ROBO1: variants seen among roughly 807,000 people sequenced by gnomAD.
ROBO1 encodes the protein roundabout homolog 1.
In ROBO1, 149 loss-of-function variants were observed where a neutral mutation model predicts 195.9. The observed-to-expected ratio is 0.76, with a 90% CI of 0.67 to 0.87. ROBO1 has a LOEUF of 0.87. Ranked by LOEUF, ROBO1 falls within the 40% of genes least tolerant of loss-of-function variation. The probability of loss-of-function intolerance (pLI) is 0.00; values close to 1 mark genes in which losing one functional copy is unlikely to be tolerated. For missense variants in ROBO1, 1,933 were observed against 2,068.3 expected (o/e 0.93, Z 1.27); for synonymous variants, 816 against 733.2 (o/e 1.11, Z -1.82).
intron 4 of ROBO1, among the ~76,000 whole-genome samples, chr3:78,880,015 C>A (rs2036089195): frequency 6.6e-6 from 1 of 151,910 alleles, no homozygotes; most frequent in African/African-American, 2.4e-5. Flanking sequence ...TATACATGAC[C>A]CTACATAATA....
At chr3:79,215,587 G>A (rs571137063) in intron 2 of ROBO1, among the ~76,000 whole-genome samples, 2 of 152,154 alleles carry the variant, frequency 1.3e-5, no homozygotes, top group Non-Finnish European at 2.9e-5. Flanking sequence ...GATTATGGTC[G>A]TTCTCCTCAA....
intron 8 of ROBO1, among the ~76,000 whole-genome samples, chr3:78,706,621 C>T (rs1023009119): frequency 1.3e-5 from 2 of 151,954 alleles, no homozygotes; most frequent in Non-Finnish European, 2.9e-5. Flanking sequence ...GGATTATAGG[C>T]GTGAACCATG....
intron 1 of ROBO1, among the ~76,000 whole-genome samples, chr3:79,722,365 T>G (rs570162384): frequency 3.2e-4 from 49 of 152,322 alleles, no homozygotes; most frequent in African/African-American, 1.2e-3. Flanking sequence ...GTGTTCCATT[T>G]TCACTTGACA....
At chr3:79,371,961 AG>A (rs1319623544) in intron 2 of ROBO1, among the ~76,000 whole-genome samples, 5 of 152,134 alleles carry the variant, frequency 3.3e-5, no homozygotes, top group African/African-American at 9.7e-5. Context: ...TCAGATCATC[AG>A]GCATTAGATT....
At chr3:79,468,943 T>C (rs573031895) in intron 2 of ROBO1, among the ~76,000 whole-genome samples, 31 of 152,272 alleles carry the variant, frequency 2.0e-4, no homozygotes, top group Non-Finnish European at 4.0e-4. Context: ...CTTTGTATCA[T>C]AGAAGTGTTG....
intron 1 of ROBO1, among the ~76,000 whole-genome samples, chr3:79,653,193 C>T (rs1269788153): frequency 6.6e-6 from 1 of 151,588 alleles, no homozygotes; most frequent in Non-Finnish European, 1.5e-5. Flanking sequence ...ATCTTTATTA[C>T]ACATCGATGT....
intron 1 of ROBO1, among the ~76,000 whole-genome samples, chr3:79,750,687 G>T (rs1334330708): frequency 6.6e-6 from 1 of 152,176 alleles, no homozygotes; most frequent in African/African-American, 2.4e-5. Flanking sequence ...TGCCATCCAC[G>T]TAAGATGTGA....
At chr3:79,674,827 C>CAT (rs1491558449) in intron 1 of ROBO1, among the ~76,000 whole-genome samples, 2 of 61,920 alleles carry the variant, frequency 3.2e-5, no homozygotes, top group East Asian at 3.4e-4. Context: ...TATTTATATC[C>CAT]GTGTGTGTGT....
intron 3 of ROBO1, among the ~76,000 whole-genome samples, chr3:79,119,320 A>G (rs1275395948): frequency 6.6e-6 from 1 of 152,202 alleles, no homozygotes; most frequent in Non-Finnish European, 1.5e-5. Flanking sequence ...TCAGGAGGAT[A>G]GAATTACGCA....
chr3:79,012,579 T>A (rs988821461), intron 3 of ROBO1, among the ~76,000 whole-genome samples: 4 of 152,172 alleles, frequency 2.6e-5, no homozygotes, highest in Non-Finnish European at 4.4e-5. Flanking sequence ...TTGAATAAAG[T>A]CAGAAAGATA....
chr3:79,560,198 C>A (rs1356953189), intron 2 of ROBO1, among the ~76,000 whole-genome samples: 1 of 151,570 alleles, frequency 6.6e-6, no homozygotes, highest in East Asian at 2.0e-4. Context: ...GAATACTATG[C>A]AGCCATAAAA....
At chr3:79,249,249 C>T (rs138756820) in intron 2 of ROBO1, among the ~76,000 whole-genome samples, 6 of 152,256 alleles carry the variant, frequency 3.9e-5, no homozygotes, top group Non-Finnish European at 7.4e-5. Flanking sequence ...CTTTAAAAAG[C>T]GGGTGACAGC....
At chr3:79,464,231 G>C (rs887828586) in intron 2 of ROBO1, among the ~76,000 whole-genome samples, 1 of 152,134 alleles carries the variant, frequency 6.6e-6, no homozygotes, top group African/African-American at 2.4e-5. Flanking sequence ...ATAAACATCT[G>C]TGTAAAAGTT....
chr3:79,726,281 A>G (rs1702922623), intron 1 of ROBO1, among the ~76,000 whole-genome samples: 3 of 152,176 alleles, frequency 2.0e-5, no homozygotes. Context: ...TGGTTCATCT[A>G]CAGTCCCTCA....
chr3:78,947,169 G>A (rs539458752), intron 3 of ROBO1, among the ~76,000 whole-genome samples: 15 of 152,142 alleles, frequency 9.9e-5, no homozygotes, highest in African/African-American at 2.2e-4. Flanking sequence ...TGCACCAAGC[G>A]GACCTAATAG....
intron 3 of ROBO1, among the ~76,000 whole-genome samples, chr3:78,985,562 AC>A (rs889142756): frequency 6.6e-6 from 1 of 151,976 alleles, no homozygotes; most frequent in Non-Finnish European, 1.5e-5. Flanking sequence ...GGTTTCTCAG[AC>A]TTGGCACTAC....
chr3:79,530,629 C>A (rs981224690), intron 2 of ROBO1, among the ~76,000 whole-genome samples: 4 of 152,218 alleles, frequency 2.6e-5, no homozygotes, highest in Non-Finnish European at 5.9e-5. Context: ...CTAGCCATGG[C>A]TACTCTTGTC....
At chr3:78,907,422 A>G (rs1317878061) in intron 4 of ROBO1, among the ~76,000 whole-genome samples, 1 of 152,096 alleles carries the variant, frequency 6.6e-6, no homozygotes, top group Non-Finnish European at 1.5e-5. Flanking sequence ...TCATACTAGC[A>G]TTGTGCAAAT....
At chr3:78,700,212 C>T (rs1336337177) in intron 8 of ROBO1, among the ~76,000 whole-genome samples, 3 of 152,126 alleles carry the variant, frequency 2.0e-5, no homozygotes, top group Non-Finnish European at 4.4e-5. Context: ...TTTTAAGAGT[C>T]CATTTTTCAT....
Sources: allele counts gnomAD v4.1 joint callset (sites outside exome capture counted in the v4.1 genomes callset), GRCh38; gene constraint gnomAD v4.1.1; transcripts MANE v1.5; gene names NCBI Gene and HGNC (gene_info 2026-07-23, HGNC 2026-07-21).